DNAH9: variants seen among roughly 807,000 people sequenced by gnomAD.
The protein encoded by DNAH9 is DNAH9 variant protein.
DNAH9 carries 345 observed loss-of-function variants against 471.6 expected under a neutral mutation model. The ratio of observed to expected loss-of-function variants is 0.73; its 90% CI spans 0.67 to 0.80. The LOEUF (loss-of-function observed/expected upper bound fraction) is 0.80. Among genes scored for constraint, DNAH9 ranks in the 30% least tolerant of loss-of-function variants. The pLI is 0.00. For missense variants in DNAH9, 5,407 were observed against 5,609.2 expected, an observed-to-expected ratio of 0.96 and a Z score of 1.15; for synonymous variants, 2,093 against 2,123.6, an observed-to-expected ratio of 0.99 and a Z score of 0.40.
At chr17:11,856,265 T>G (rs1178108640) in intron 50 of DNAH9, among the ~76,000 whole-genome samples, 1 of 152,142 alleles carries the variant, frequency 6.6e-6, no homozygotes, top group Non-Finnish European at 1.5e-5. Context: ...GTCATGATGA[T>G]AAGGAGGATT....
chr17:11,902,479 C>CTAAT (rs1343548627), intron 59 of DNAH9, among the ~76,000 whole-genome samples: 1 of 152,166 alleles, frequency 6.6e-6, no homozygotes, highest in Non-Finnish European at 1.5e-5. Flanking sequence ...GTCTCTGCTG[C>CTAAT]TAATAATATC....
chr17:11,634,294 C>G (rs1161565836), intron 8 of DNAH9, among the ~76,000 whole-genome samples: 3 of 152,158 alleles, frequency 2.0e-5, no homozygotes, highest in Non-Finnish European at 4.4e-5. Context: ...CTTCCTTCAT[C>G]CCCAAGCAAA....
chr17:11,720,454 C>T (rs540469199), intron 27 of DNAH9, among the ~76,000 whole-genome samples: 1 of 152,124 alleles, frequency 6.6e-6, no homozygotes, highest in South Asian at 2.1e-4. Context: ...CAGATTATCT[C>T]CCTCTCTCGT....
At chr17:11,645,863 TTC>T (rs1223400956) in intron 11 of DNAH9, among the ~76,000 whole-genome samples, 1 of 131,278 alleles carries the variant, frequency 7.6e-6, no homozygotes, top group Non-Finnish European at 1.7e-5. Flanking sequence ...TCCTGTACAT[TTC>T]TCTTTTTCTT....
chr17:11,883,601 C>A lies in DNAH9; in HGVS notation c.10822C>A (p.Gln3608Lys). ...LEQLKSDLTKQQNGFKITLKT... is the reference protein window; with the variant it reads ...LEQLKSDLTKKQNGFKITLKT... ...ATATTTGCAGTCCGATCTCACAAAG[C>A]AGCAGAATGGATTCAAAATTACCCT... The change falls in exon 56 of 69, where the codon CAG (glutamine) becomes AAG (lysine). Residue 3608 changes from glutamine to lysine, a missense_variant. Physicochemically the swap from Gln to Lys is moderately conservative, Grantham distance 53. Transcript: ENST00000262442. The A allele has an allele frequency of 6.2e-7, 1 of 1,614,088 alleles. No individual in the cohort carries two copies. The highest frequency in any genetic ancestry group is 8.5e-7 in the Non-Finnish European group (1 of 1,179,972).
chr17:11,724,666 C>T (rs1198332412), intron 27 of DNAH9, among the ~76,000 whole-genome samples: 1 of 152,138 alleles, frequency 6.6e-6, no homozygotes, highest in East Asian at 1.9e-4. Flanking sequence ...GTATTTGTGA[C>T]ACTTGGATTG....
chr17:11,774,441 A>G (rs1968340426), intron 38 of DNAH9, among the ~76,000 whole-genome samples: 1 of 152,182 alleles, frequency 6.6e-6, no homozygotes, highest in African/African-American at 2.4e-5. Context: ...ACAGTTCCAT[A>G]TGACTGGGGA....
At position 11,654,096 on chromosome 17, in the gene DNAH9, T is replaced by TA. The variant is rs2073573647; in HGVS notation, c.2595+1094_2595+1095insA. ...CTAGGCCGGGCGCGGTGGCTCACGCTTGTAATCCCAGCACTTTGGGAGGCC... is the reference window on the plus strand; with the variant it reads ...CTAGGCCGGGCGCGGTGGCTCACGCTATGTAATCCCAGCACTTTGGGAGGCC... On this transcript the variant is annotated intron_variant, in intron 14 of 68. Coordinates refer to ENST00000262442, the MANE Select transcript of DNAH9 (RefSeq NM_001372.4). 1.5e-5 allele frequency among the ~76,000 whole-genome samples: 2 copies of TA among 129,790 alleles called. 1 individual carries two copies. The highest frequency in any genetic ancestry group is 3.5e-5 in the Non-Finnish European group (2 of 57,832). 85.1% of individuals were successfully genotyped at this position (129,790 alleles called of 152,430 possible).
In DNAH9 at chr17:11,756,509, C is replaced by T. The variant is rs1180844085; in HGVS notation, c.6739-59C>T. 7 of 954,574 alleles carry T rather than the reference C, an allele frequency of 7.3e-6. No individual in the cohort carries two copies. The Admixed American group carries it at 1.0e-4, about 14-fold the overall frequency. 59.1% of individuals were successfully genotyped at this position (954,574 alleles called of 1,614,324 possible). ...CCAATAATAATCAGCCAAATCCCCA[C>T]AGGCTGGCAAGGCACCTCCCTCCTT... On this transcript the variant is annotated intron_variant, in intron 33 of 68. Transcript: ENST00000262442.
At chr17:11,744,760 C>A in intron 30 of DNAH9, 37 bp from the exon 31 acceptor site, 1 of 1,567,512 alleles carries the variant, frequency 6.4e-7, no homozygotes, top group Non-Finnish European at 8.7e-7. Context: ...ACATGGTGTT[C>A]TGTCTCTCTG....
chr17:11,857,830 G>A (rs751092113), intron 50 of DNAH9, among the ~76,000 whole-genome samples: 54 of 152,102 alleles, frequency 3.6e-4, no homozygotes, highest in Non-Finnish European at 3.8e-4. Flanking sequence ...CCTGCCCCCC[G>A]CAACTCCCTC....
intron 62 of DNAH9, chr17:11,925,149 A>G (rs1410118490): frequency 4.4e-6 from 2 of 455,164 alleles, no homozygotes; most frequent in African/African-American, 4.0e-5. Context: ...ATTCTCCACC[A>G]AATTTTTTAG....
At chr17:11,911,578 A>G (rs540128625) in intron 61 of DNAH9, among the ~76,000 whole-genome samples, 1 of 151,998 alleles carries the variant, frequency 6.6e-6, no homozygotes, top group East Asian at 1.9e-4. Context: ...CTTATGTTTC[A>G]TATAATTTTA....
intron 61 of DNAH9, among the ~76,000 whole-genome samples, chr17:11,919,073 A>C (rs1974046981): frequency 6.6e-6 from 1 of 152,166 alleles, no homozygotes; most frequent in African/African-American, 2.4e-5. Context: ...GGAAGGGAGG[A>C]GGACATCTTT....
chr17:11,888,167 G>T (rs1215174687), intron 57 of DNAH9, among the ~76,000 whole-genome samples: 1 of 151,794 alleles, frequency 6.6e-6, no homozygotes, highest in Admixed American at 6.6e-5. Flanking sequence ...TGTATTTTTA[G>T]TAGAGACGGG....
Position 11,598,831 on chromosome 17 carries a change from A to G in DNAH9, c.333A>G (p.Pro111=). ...TCCTTCGCACCGGGCCCGAGCCTCC[A>G]GGGCCCGACAGCTTCCGCGGCGCAG... ...LFFLRTGPEP[P]GPDSFRGAVV... is the part of the protein sequence containing the mutation. Residue 111 remains proline (P), a synonymous_variant, in exon 1 of 69, where the codon CCA becomes CCG. Transcript: ENST00000262442. The G allele has an allele frequency of 1.3e-6, 2 of 1,508,570 alleles. No individual in the cohort carries two copies. The highest frequency in any genetic ancestry group is 8.8e-7 in the Non-Finnish European group (1 of 1,133,536). 93.4% of individuals were successfully genotyped at this position (1,508,570 alleles called of 1,614,324 possible).
intron 14 of DNAH9, among the ~76,000 whole-genome samples, chr17:11,655,351 GGTGTGT>G (rs144975414): frequency 0.023 from 3,325 of 147,746 alleles, 121 homozygotes; most frequent in African/African-American, 0.074. Context: ...AGCATTCCAT[GGTGTGT>G]GTGTGTGTGT....
At chr17:11,926,067 G>C (rs112219506) in intron 62 of DNAH9, among the ~76,000 whole-genome samples, 31 of 128,650 alleles carry the variant, frequency 2.4e-4, no homozygotes, top group African/African-American at 8.2e-4. Flanking sequence ...AAAAAAGCTG[G>C]GGGGGGAGGA....
intron 49 of DNAH9, among the ~76,000 whole-genome samples, chr17:11,840,662 G>A (rs1018455215): frequency 6.6e-6 from 1 of 152,096 alleles, no homozygotes; most frequent in African/African-American, 2.4e-5. Context: ...CTTGAGACAG[G>A]GGGATTATCT....
Sources: gnomAD v4.1 joint callset for allele counts (sites outside exome capture counted in the v4.1 genomes callset) on GRCh38, gnomAD v4.1.1 for gene constraint, MANE v1.5 for transcripts, NCBI Gene and HGNC (gene_info 2026-07-23, HGNC 2026-07-21) for gene names.